C1orf141: variants seen among roughly 807,000 people sequenced by gnomAD.
C1orf141 encodes chromosome 1 open reading frame 141.
In C1orf141, 19 loss-of-function variants were observed where a neutral mutation model predicts 23.2. The ratio of observed to expected loss-of-function variants is 0.82; its 90% CI spans 0.57 to 1.20. C1orf141 has a LOEUF of 1.20. Ranked by LOEUF, C1orf141 falls within the 50% of genes most tolerant of loss-of-function variation. The pLI, the probability that C1orf141 is intolerant of heterozygous loss-of-function variation, is 0.00. For synonymous variants in C1orf141, 153 were observed against 154.6 expected, an observed-to-expected ratio of 0.99 and a Z score of 0.08; for missense variants, 469 against 455.1, an observed-to-expected ratio of 1.03 and a Z score of -0.28.
intron 4 of C1orf141, chr1:67,122,989 G>A (rs1353636752): frequency 2.0e-5 from 3 of 152,094 alleles, no homozygotes; most frequent in African/African-American, 4.8e-5. Context: ...ATCACCCGAG[G>A]TCAGGAGTTC....
intron 4 of C1orf141, among the ~76,000 whole-genome samples, chr1:67,116,584 A>G (rs1646197630): frequency 6.6e-6 from 1 of 152,020 alleles, no homozygotes; most frequent in African/African-American, 2.4e-5. Flanking sequence ...TTAAAATTCA[A>G]AATGCTCCCT....
intron 4 of C1orf141, among the ~76,000 whole-genome samples, chr1:67,124,228 C>T (rs1646358897): frequency 6.6e-6 from 1 of 152,186 alleles, no homozygotes; most frequent in Admixed American, 6.5e-5. Flanking sequence ...TGCTTCGAGA[C>T]AATCAGGTGG....
chr1:67,132,613 C>A (rs891109715), intron 1 of C1orf141, among the ~76,000 whole-genome samples: 1 of 152,174 alleles, frequency 6.6e-6, no homozygotes, highest in Non-Finnish European at 1.5e-5. Flanking sequence ...CCACCTCCGA[C>A]TCTCAGCCTC....
chr1:67,104,431 A>T (rs1645875408), intron 5 of C1orf141, among the ~76,000 whole-genome samples: 1 of 152,190 alleles, frequency 6.6e-6, no homozygotes, highest in African/African-American at 2.4e-5. Flanking sequence ...TGTGAGAGGG[A>T]TAGACCACAG....
intron 4 of C1orf141, among the ~76,000 whole-genome samples, chr1:67,116,475 C>T (rs1185456636): frequency 6.6e-6 from 1 of 151,894 alleles, no homozygotes; most frequent in African/African-American, 2.4e-5. Context: ...CCTGCTATTA[C>T]ACTTGTCCTC....
rs1182994120 is a variant in C1orf141, at chr1:67,117,391, C to A, written c.234-1927G>T. Among the ~76,000 whole-genome samples, 3 of 151,998 alleles carry A rather than the reference C, an allele frequency of 2.0e-5. No homozygotes were observed. In the East Asian group the frequency reaches 5.8e-4, roughly 29 times the overall value. On this transcript the variant is annotated intron_variant, in intron 4 of 7. Coordinates refer to ENST00000684719, the MANE Select transcript of C1orf141 (RefSeq NM_001276351.2). ...TGAGCTGAGATCGTGCCACTGCACTCCAGCCTGGGTGACAGAGAGAGATTC... is the reference window on the plus strand; with the variant it reads ...TGAGCTGAGATCGTGCCACTGCACTACAGCCTGGGTGACAGAGAGAGATTC...
At chr1:67,137,443 A>G (rs945320501), upstream of C1orf141, among the ~76,000 whole-genome samples, 1 of 152,142 alleles carries the variant, frequency 6.6e-6, no homozygotes, top group Non-Finnish European at 1.5e-5. Context: ...AGCTCACCCA[A>G]TCATTGTGTT....
chr1:67,135,408 C>CA (rs1454615927), upstream of C1orf141, among the ~76,000 whole-genome samples: 1 of 152,130 alleles, frequency 6.6e-6, no homozygotes, highest in East Asian at 1.9e-4. Flanking sequence ...ACAGCAACAA[C>CA]AAAAAACCAT....
Position 67,092,952 on chromosome 1 carries a change from G to T in C1orf141, c.*53C>A. On this transcript the variant is annotated 3_prime_UTR_variant, in exon 8 of 8. Transcript: ENST00000684719. Reference sequence around the variant, plus strand: ...GGATAAGAATTTCTTTTATAATTTTGGAACTTGGATATTTGCTTCTTGTTA... The same window carrying T: ...GGATAAGAATTTCTTTTATAATTTTTGAACTTGGATATTTGCTTCTTGTTA... The T allele has an allele frequency of 2.2e-6, 3 of 1,395,280 alleles. No individual in the cohort carries two copies. Among genetic ancestry groups the T allele is most frequent in the Non-Finnish European group, 2.9e-6 (3 of 1,022,386 alleles). The allele number at this position is 1,395,280 out of a possible 1,614,324, so 86.4% of individuals were successfully genotyped here.
At chr1:67,134,224 T>A (rs1296197249) in intron 1 of C1orf141, among the ~76,000 whole-genome samples, 2 of 152,144 alleles carry the variant, frequency 1.3e-5, no homozygotes, top group African/African-American at 4.8e-5. Flanking sequence ...GGCTGGTCTC[T>A]AACTCCTGAC....
intron 4 of C1orf141, among the ~76,000 whole-genome samples, chr1:67,116,695 T>G (rs1317785992): frequency 6.6e-6 from 1 of 151,990 alleles, no homozygotes; most frequent in African/African-American, 2.4e-5. Flanking sequence ...ACCTCTCAGC[T>G]CCACATGAAC....
chr1:67,140,100 T>A (rs1472542474), intron 1 of C1orf141, among the ~76,000 whole-genome samples: 1 of 152,192 alleles, frequency 6.6e-6, no homozygotes, highest in Non-Finnish European at 1.5e-5. Flanking sequence ...CTTCTCAGTC[T>A]CCATAACTGT....
chr1:67,128,880 A>T (rs1646468430), intron 2 of C1orf141, among the ~76,000 whole-genome samples: 1 of 152,178 alleles, frequency 6.6e-6, no homozygotes, highest in African/African-American at 2.4e-5. Flanking sequence ...AGCTCAGAAA[A>T]ATCTCTGATA....
chr1:67,102,338 GTGTGT>G (rs1179174602), intron 5 of C1orf141, among the ~76,000 whole-genome samples: 1 of 151,588 alleles, frequency 6.6e-6, no homozygotes, highest in Non-Finnish European at 1.5e-5. Flanking sequence ...GTGTGTGTGT[GTGTGT>G]GTGTGTAATA....
intron 4 of C1orf141, among the ~76,000 whole-genome samples, chr1:67,125,257 A>G (rs1448890687): frequency 1.3e-5 from 2 of 152,198 alleles, no homozygotes; most frequent in East Asian, 1.9e-4. Flanking sequence ...CTAGTAAAAT[A>G]TTATACATAA....
At chr1:67,095,554 C>T (rs771795839) in intron 6 of C1orf141, 133 bp from the exon 7 acceptor site, 67 of 558,500 alleles carry the variant, frequency 1.2e-4, no homozygotes, top group Non-Finnish European at 1.7e-4. Flanking sequence ...CTTTTCAAAC[C>T]GACAAGATCA....
chr1:67,095,582 T>A (rs2145812), intron 6 of C1orf141, 161 bp from the exon 7 acceptor site: 336,025 of 507,350 alleles, frequency 0.66, 115,073 homozygotes, highest in East Asian at 0.88. Context: ...CTGCCTGGTT[T>A]GTGGGAGAAA....
intron 5 of C1orf141, among the ~76,000 whole-genome samples, chr1:67,108,268 G>C (rs1241388722): frequency 1.3e-5 from 2 of 152,142 alleles, no homozygotes; most frequent in Admixed American, 1.3e-4. Context: ...GTAAGGGCTC[G>C]CTCTCGGATT....
chr1:67,134,124 C>T (rs914453503), intron 1 of C1orf141, among the ~76,000 whole-genome samples: 4 of 152,222 alleles, frequency 2.6e-5, no homozygotes, highest in African/African-American at 9.6e-5. Context: ...CTGCCTCAGC[C>T]TCCCCAGTAG....
Sources: allele counts gnomAD v4.1 joint callset (sites outside exome capture counted in the v4.1 genomes callset), GRCh38; gene constraint gnomAD v4.1.1; transcripts MANE v1.5; gene names NCBI Gene and HGNC (gene_info 2026-07-23, HGNC 2026-07-21).